The following STAG1 variants were observed in gnomAD, a reference collection of about 807,000 sequenced individuals.
The protein encoded by STAG1 is STAG1 cohesin complex component.
In STAG1, 26 loss-of-function variants were observed where a neutral mutation model predicts 170.9. The observed-to-expected ratio is 0.15, with a 90% CI of 0.11 to 0.21. STAG1 has a LOEUF of 0.21. Ranked by LOEUF, STAG1 falls within the 10% of genes least tolerant of loss-of-function variation. STAG1 has a pLI of 1.00. For missense variants in STAG1, 964 were observed against 1,509.5 expected (o/e 0.64, Z 5.99); for synonymous variants, 514 against 497.7 (o/e 1.03, Z -0.44).
At position 136,702,111 on chromosome 3, in the gene STAG1, GAGAGAGAGAGAC is replaced by G. The variant is rs1162448239; in HGVS notation, c.-84+50072_-84+50083del. On this transcript the variant is annotated intron_variant, in intron 1 of 33. Transcript: ENST00000383202. ...AGAGAGAGAGAGAGAGAGAGAGAGA[GAGAGAGAGAGAC>G]AGAGAGACAGAGAGACAGAGAGACA... Among the ~76,000 whole-genome samples, 642 of 78,528 alleles carry G rather than the reference GAGAGAGAGAGAC, an allele frequency of 8.2e-3. 2 individuals carry two copies. The highest frequency in any genetic ancestry group is 0.012 in the African/African-American group (216 of 17,646). 51.5% of individuals were successfully genotyped at this position (78,528 alleles called of 152,430 possible). A position where few individuals can be genotyped will look rare whatever the true frequency, so the allele number is the denominator to read the frequency against.
chr3:136,702,705 A>C (rs1358552685), intron 1 of STAG1, among the ~76,000 whole-genome samples: 2 of 152,164 alleles, frequency 1.3e-5, no homozygotes, highest in Non-Finnish European at 2.9e-5. Context: ...ACTGAACTTA[A>C]AAACTGACTT....
At chr3:136,534,654 C>T (rs962460561) in intron 6 of STAG1, among the ~76,000 whole-genome samples, 1 of 152,074 alleles carries the variant, frequency 6.6e-6, no homozygotes, top group Non-Finnish European at 1.5e-5. Context: ...AAGTGCTCAA[C>T]ATCCATAATC....
At chr3:136,398,595 A>C (rs2087234443) in intron 22 of STAG1, among the ~76,000 whole-genome samples, 154 bp downstream of exon 22, 1 of 152,122 alleles carries the variant, frequency 6.6e-6, no homozygotes, top group African/African-American at 2.4e-5. Flanking sequence ...ATACTTACTC[A>C]TAAGATAAAC....
At position 136,630,999 on chromosome 3, in the gene STAG1, G is replaced by T. The variant is rs1310664020; in HGVS notation, c.-83-18C>A. Reference sequence around the variant, plus strand: ...AGGCAATCCTGTCAATTAAAAAAAAGAAATTATTTTAAAATAAAATGAGGA... The same window carrying T: ...AGGCAATCCTGTCAATTAAAAAAAATAAATTATTTTAAAATAAAATGAGGA... On this transcript the variant is annotated intron_variant, in intron 1 of 33. Coordinates refer to ENST00000383202, the MANE Select transcript of STAG1 (RefSeq NM_005862.3). 5 of 1,141,392 alleles carry T rather than the reference G, an allele frequency of 4.4e-6. No homozygotes were observed. Among genetic ancestry groups the T allele is most frequent in the Non-Finnish European group, 6.2e-6 (5 of 810,668 alleles). 70.7% of individuals were successfully genotyped at this position (1,141,392 alleles called of 1,614,324 possible).
intron 5 of STAG1, among the ~76,000 whole-genome samples, chr3:136,564,367 C>T (rs1936973256): frequency 9.9e-5 from 15 of 152,100 alleles, no homozygotes; most frequent in Admixed American, 9.2e-4. Context: ...GTAACAGTGT[C>T]TGCTTTCCCC....
intron 31 of STAG1, among the ~76,000 whole-genome samples, chr3:136,340,972 G>A (rs1935944678): frequency 1.3e-5 from 2 of 152,118 alleles, no homozygotes; most frequent in African/African-American, 4.8e-5. Context: ...GCAGTGGCGT[G>A]ATCTTGACTC....
chr3:136,464,198 CG>C (rs1411812430), intron 13 of STAG1, among the ~76,000 whole-genome samples: 1 of 151,298 alleles, frequency 6.6e-6, no homozygotes, highest in Non-Finnish European at 1.5e-5. Flanking sequence ...CTGAGGCGGG[CG>C]GATTACCTGA....
intron 4 of STAG1, among the ~76,000 whole-genome samples, chr3:136,577,414 G>C (rs1286280370): frequency 6.6e-6 from 1 of 152,196 alleles, no homozygotes; most frequent in Non-Finnish European, 1.5e-5. Context: ...AACTGGCAAA[G>C]AATGGGATCC....
intron 28 of STAG1, among the ~76,000 whole-genome samples, chr3:136,354,136 G>T (rs1383611523): frequency 6.6e-6 from 1 of 152,040 alleles, no homozygotes; most frequent in Non-Finnish European, 1.5e-5. Context: ...TTCTATAAAA[G>T]ATTATCTCAA....
In STAG1 at chr3:136,542,207, C is replaced by G; in HGVS notation, c.395-12G>C. 2 of 1,586,290 alleles carry G rather than the reference C, an allele frequency of 1.3e-6. No homozygotes were observed. Among genetic ancestry groups the G allele is most frequent in the Admixed American group, 3.4e-5 (2 of 59,316 alleles). ...TATTCTCACAGTACCTGTGGAACAA[C>G]AGATTTTACATTAATCTTTCAATTA... On this transcript the variant is annotated splice_polypyrimidine_tract_variant and intron_variant, in intron 5 of 33. Coordinates refer to ENST00000383202, the MANE Select transcript of STAG1 (RefSeq NM_005862.3).
intron 9 of STAG1, among the ~76,000 whole-genome samples, chr3:136,485,461 G>T (rs1485212518): frequency 6.7e-6 from 1 of 149,992 alleles, no homozygotes; most frequent in Non-Finnish European, 1.5e-5. Context: ...TGTCTAAAAA[G>T]AAAAAAAAAG....
chr3:136,657,163 G>A (rs886568019), intron 1 of STAG1, among the ~76,000 whole-genome samples: 16 of 145,428 alleles, frequency 1.1e-4, no homozygotes, highest in East Asian at 2.0e-4. Context: ...TATAAAGAAC[G>A]TCCTCTCCTA....
intron 1 of STAG1, among the ~76,000 whole-genome samples, chr3:136,668,585 C>T (rs768158145): frequency 1.1e-4 from 17 of 151,830 alleles, no homozygotes; most frequent in Non-Finnish European, 2.1e-4. Flanking sequence ...GGCTGCAATG[C>T]AGGCTGCCAA....
At chr3:136,557,210 C>A (rs189881585) in intron 5 of STAG1, among the ~76,000 whole-genome samples, 1 of 151,934 alleles carries the variant, frequency 6.6e-6, no homozygotes, top group Non-Finnish European at 1.5e-5. Flanking sequence ...TGCACTCCAG[C>A]CTGGGTTACA....
At chr3:136,421,873 C>T (rs1305910024) in intron 19 of STAG1, among the ~76,000 whole-genome samples, 6 of 151,516 alleles carry the variant, frequency 4.0e-5, no homozygotes, top group African/African-American at 7.3e-5. Flanking sequence ...TTTTTTTGCC[C>T]GATGTGGTGG....
chr3:136,518,076 A>C, intron 7 of STAG1: 1 of 272,206 alleles, frequency 3.7e-6, no homozygotes, highest in South Asian at 1.7e-4. Context: ...AAAAATGTAA[A>C]AGTATACAAT....
At chr3:136,352,600 C>T (rs1460331081) in intron 28 of STAG1, among the ~76,000 whole-genome samples, 2 of 152,216 alleles carry the variant, frequency 1.3e-5, no homozygotes, top group Non-Finnish European at 2.9e-5. Flanking sequence ...AAGTCCCCAA[C>T]TTACAATGCT....
At chr3:136,699,149 A>G (rs186813299) in intron 1 of STAG1, among the ~76,000 whole-genome samples, 123 of 152,256 alleles carry the variant, frequency 8.1e-4, no homozygotes, top group Non-Finnish European at 1.3e-4. Flanking sequence ...GTACAGTAAA[A>G]TCTCAGAAAT....
intron 9 of STAG1, among the ~76,000 whole-genome samples, chr3:136,497,250 C>A (rs1470172070): frequency 6.6e-6 from 1 of 151,598 alleles, no homozygotes; most frequent in Non-Finnish European, 1.5e-5. Context: ...CCAGCATTAC[C>A]TTGCTAACAA....
Sources: gnomAD v4.1 joint callset for allele counts (sites outside exome capture counted in the v4.1 genomes callset) on GRCh38, gnomAD v4.1.1 for gene constraint, MANE v1.5 for transcripts, NCBI Gene and HGNC (gene_info 2026-07-23, HGNC 2026-07-21) for gene names.